Variants in ULK2 observed in about 807,000 individuals in gnomAD.
ULK2 encodes serine/threonine-protein kinase ULK2.
A neutral mutation model predicts 127.5 loss-of-function variants in ULK2; 76 were observed. The ratio of observed to expected loss-of-function variants is 0.60; its 90% CI spans 0.50 to 0.72. The LOEUF is 0.72. Ranked by LOEUF, ULK2 falls within the 30% of genes least tolerant of loss-of-function variation. ULK2 has a pLI of 0.00. For synonymous variants in ULK2, 452 were observed against 461.9 expected (o/e 0.98, Z 0.28); for missense variants, 1,144 against 1,295.9 (o/e 0.88, Z 1.80).
At chr17:19,866,291 G>C (rs1227870105) in intron 1 of ULK2, among the ~76,000 whole-genome samples, 1 of 151,842 alleles carries the variant, frequency 6.6e-6, no homozygotes, top group African/African-American at 2.4e-5. Context: ...CCTGAGGTCA[G>C]GAGTTCAAGA....
At position 19,816,772 on chromosome 17, in the gene ULK2, T is replaced by TAGATCTCG; in HGVS notation, c.1072_1073insCGAGATCT (p.His358ProfsTer53). On this transcript the variant is annotated frameshift_variant, in exon 13 of 27. Transcript: ENST00000395544. LOFTEE classifies it high-confidence loss of function. ...ACATGAGTGGTCTGACGAGATGTTG[T>TAGATCTCG]GTGGCACCAAAACAAAGTCATCCGT... 1 of 1,604,648 alleles carries TAGATCTCG rather than the reference T, an allele frequency of 6.2e-7. No individual in the cohort carries two copies. The highest frequency in any genetic ancestry group is 8.5e-7 in the Non-Finnish European group (1 of 1,177,222).
intron 7 of ULK2, among the ~76,000 whole-genome samples, chr17:19,844,974 A>C (rs1159979522): frequency 6.6e-6 from 1 of 152,202 alleles, no homozygotes; most frequent in Non-Finnish European, 1.5e-5. Context: ...TGCTCCCAGA[A>C]GATGTTTTTT....
intron 15 of ULK2, among the ~76,000 whole-genome samples, chr17:19,804,092 C>T (rs1303002867): frequency 6.6e-6 from 1 of 152,058 alleles, no homozygotes; most frequent in Admixed American, 6.5e-5. Context: ...GTAAGAATAA[C>T]CTATGCTTGG....
chr17:19,780,967 A>G lies in ULK2; in HGVS notation c.2758+19T>C, dbSNP rs2086905505. The G allele has an allele frequency of 1.2e-6, 2 of 1,611,134 alleles. No homozygotes were observed. Among genetic ancestry groups the G allele is most frequent in the African/African-American group, 2.7e-5 (2 of 74,834 alleles). ...CTTAAGGACTGACCCCTGGAGTTACACGCTGCCTTCTCCCATACCTTGTTT... is the reference window on the plus strand; with the variant it reads ...CTTAAGGACTGACCCCTGGAGTTACGCGCTGCCTTCTCCCATACCTTGTTT... On this transcript the variant is annotated intron_variant, in intron 24 of 26. Coordinates refer to ENST00000395544, the MANE Select transcript of ULK2 (RefSeq NM_014683.4).
rs183119409 is a variant in ULK2, at chr17:19,854,925, C to T, written c.226-5151G>A. Among the ~76,000 whole-genome samples the T allele has an allele frequency of 3.1e-3, 461 of 150,844 alleles. 2 individuals are homozygous for T. Among genetic ancestry groups the T allele is most frequent in the Non-Finnish European group, 4.3e-3 (289 of 67,834 alleles). On this transcript the variant is annotated intron_variant, in intron 3 of 26. Transcript: ENST00000395544. ...ACCAGCCTGGCCAAGATGGTGAAAC[C>T]CCTTCTCTACTAAAAATACAAAAAA...
At chr17:19,817,197 T>C (rs982885713) in intron 12 of ULK2, among the ~76,000 whole-genome samples, 3 of 152,196 alleles carry the variant, frequency 2.0e-5, no homozygotes, top group Non-Finnish European at 2.9e-5. Context: ...CTCCTGAAGT[T>C]TTTGAGAAAG....
chr17:19,840,272 T>G, intron 9 of ULK2: 1 of 524,980 alleles, frequency 1.9e-6, no homozygotes. Context: ...AGTACCTGCT[T>G]CAGTACAACA....
Position 19,825,174 on chromosome 17 carries a change from C to T in ULK2, c.844G>A (p.Val282Ile), listed in dbSNP as rs753657497. Reference protein sequence around the residue: ...EQGPVKKSCPVPVPMYSGSVS... With the variant: ...EQGPVKKSCPIPVPMYSGSVS... The stretch of plus-strand genomic sequence containing the variant: ...GAACCAGAATACATGGGCACTGGAA[C>T]TGGGCAAGCTAGGGGAAGAAACACA... Residue 282 changes from valine (V) to isoleucine (I), a missense_variant, in exon 12 of 27, where the codon GTT becomes ATT. Val to Ile is a conservative substitution (Grantham distance 29). Transcript: ENST00000395544. The T allele has an allele frequency of 1.9e-6, 3 of 1,613,970 alleles. No individual in the cohort carries two copies. Among genetic ancestry groups the T allele is most frequent in the Non-Finnish European group, 2.5e-6 (3 of 1,180,000 alleles).
Position 19,801,927 on chromosome 17 carries a change from A to G in ULK2, c.1296-5T>C, listed in dbSNP as rs888744285. 10 of 1,587,636 alleles carry G rather than the reference A, an allele frequency of 6.3e-6. No individual in the cohort carries two copies. Among genetic ancestry groups the G allele is most frequent in the Non-Finnish European group, 8.5e-6 (10 of 1,172,770 alleles). On this transcript the variant is annotated splice_polypyrimidine_tract_variant and splice_region_variant and intron_variant, in intron 15 of 26. Coordinates refer to ENST00000395544, the MANE Select transcript of ULK2 (RefSeq NM_014683.4). ...GACCTTCGTACCACTGCAGATCTGA[A>G]AAGTAAATTATTCCTTCTATAAAAG...
intron 20 of ULK2, among the ~76,000 whole-genome samples, chr17:19,795,168 C>T (rs978662768): frequency 2.0e-5 from 3 of 151,670 alleles, no homozygotes; most frequent in Non-Finnish European, 2.9e-5. Context: ...TTTTTTGACA[C>T]ACAGGCCAAG....
At chr17:19,780,206 T>C (rs1489100755) in intron 25 of ULK2, among the ~76,000 whole-genome samples, 1 of 151,234 alleles carries the variant, frequency 6.6e-6, no homozygotes, top group Non-Finnish European at 1.5e-5. Context: ...AAAGATTAGA[T>C]CATGCCTAAT....
At chr17:19,795,924 C>T (rs914036358) in intron 19 of ULK2, among the ~76,000 whole-genome samples, 171 bp downstream of exon 19, 57 of 152,118 alleles carry the variant, frequency 3.7e-4, no homozygotes, top group African/African-American at 1.3e-3. Flanking sequence ...TACATAGTTA[C>T]AGGAAGCATC....
chr17:19,787,465 A>G (rs2087059314), intron 20 of ULK2, among the ~76,000 whole-genome samples: 1 of 152,156 alleles, frequency 6.6e-6, no homozygotes, highest in Non-Finnish European at 1.5e-5. Context: ...AATATATTTG[A>G]TAATAAGAAC....
intron 3 of ULK2, among the ~76,000 whole-genome samples, chr17:19,857,765 G>C (rs1345254669): frequency 6.6e-6 from 1 of 152,056 alleles, no homozygotes; most frequent in Non-Finnish European, 1.5e-5. Flanking sequence ...GCTTTGTACT[G>C]TCCTTAAGAT....
chr17:19,819,570 G>C (rs560566325), intron 12 of ULK2, among the ~76,000 whole-genome samples: 1 of 152,086 alleles, frequency 6.6e-6, no homozygotes, highest in Non-Finnish European at 1.5e-5. Context: ...TTGATCTTCA[G>C]CCAAAATTCT....
rs755670487 is a variant in ULK2 at position 19,777,678 on chromosome 17, G to A, written c.2955C>T (p.Thr985=). The A allele has an allele frequency of 9.9e-6, 16 of 1,613,746 alleles. No homozygotes were observed. Among genetic ancestry groups the A allele is most frequent in the African/African-American group, 6.7e-5 (5 of 74,896 alleles). The change falls in exon 26 of 27, where the codon ACC becomes ACT. Residue 985 remains threonine, a synonymous_variant. Coordinates refer to ENST00000395544, the MANE Select transcript of ULK2 (RefSeq NM_014683.4). The part of the protein sequence containing the change: ...SAALDEMFQQ[T]EDIVYRYHKA... ...TATGATAGCGATAAACAATATCTTC[G>A]GTCTGCTGAAACATCTCATCCAGGG...
intron 23 of ULK2, among the ~76,000 whole-genome samples, chr17:19,781,666 A>C (rs2086922112): frequency 6.6e-6 from 1 of 152,244 alleles, no homozygotes; most frequent in African/African-American, 2.4e-5. Flanking sequence ...ATCTATTTAC[A>C]CAAAAGAACT....
rs2086759046 is a variant in ULK2 at position 19,773,095 on chromosome 17, G to C, written c.*3254C>G. The C allele has an allele frequency of 1.3e-5, 2 of 152,180 alleles. No individual in the cohort carries two copies. The allele number at this position is 152,180 out of a possible 1,614,324, so 9.4% of individuals were successfully genotyped here. ...TGTTCAAGACCAGCCTGACCAACATGGTGAAACCCCATCTCCACTAAAAAT... is the reference window on the plus strand; with the variant it reads ...TGTTCAAGACCAGCCTGACCAACATCGTGAAACCCCATCTCCACTAAAAAT... On this transcript the variant is annotated 3_prime_UTR_variant, in exon 27 of 27. Coordinates refer to ENST00000395544, the MANE Select transcript of ULK2 (RefSeq NM_014683.4).
intron 8 of ULK2, among the ~76,000 whole-genome samples, chr17:19,842,056 G>A (rs2152397165): frequency 6.6e-6 from 1 of 152,130 alleles, no homozygotes; most frequent in East Asian, 1.9e-4. Context: ...TATGTATACT[G>A]CTACTATTCA....
Sources: allele counts gnomAD v4.1 joint callset (sites outside exome capture counted in the v4.1 genomes callset), GRCh38; gene constraint gnomAD v4.1.1; transcripts MANE v1.5; gene names NCBI Gene and HGNC (gene_info 2026-07-23, HGNC 2026-07-21).